MAP7: variants seen among roughly 807,000 people sequenced by gnomAD.
The protein encoded by MAP7 is microtubule associated protein 7, also known as ensconsin.
MAP7 carries 52 observed loss-of-function variants against 94.8 expected under a neutral mutation model. The ratio of observed to expected loss-of-function variants is 0.55; its 90% CI spans 0.44 to 0.69. The LOEUF is 0.69. Ranked by LOEUF, MAP7 falls within the 30% of genes least tolerant of loss-of-function variation. The pLI, the probability that MAP7 is intolerant of heterozygous loss-of-function variation, is 0.00. For synonymous variants in MAP7, 350 were observed against 357.0 expected, an observed-to-expected ratio of 0.98 and a Z score of 0.22; for missense variants, 940 against 964.6, an observed-to-expected ratio of 0.97 and a Z score of 0.34.
chr6:136,432,197 A>G (rs1448072881), intron 1 of MAP7, among the ~76,000 whole-genome samples: 1 of 152,182 alleles, frequency 6.6e-6, no homozygotes, highest in African/African-American at 2.4e-5. Context: ...GTACTCATAA[A>G]TTAAAAAAAA....
At chr6:136,496,742 C>G (rs1307766737) in intron 1 of MAP7, among the ~76,000 whole-genome samples, 1 of 141,464 alleles carries the variant, frequency 7.1e-6, no homozygotes, top group African/African-American at 2.7e-5. Context: ...GAGTTTGAGA[C>G]CAGCCTGGCC....
intron 1 of MAP7, among the ~76,000 whole-genome samples, chr6:136,423,529 C>G (rs750611333): frequency 2.0e-5 from 3 of 151,940 alleles, no homozygotes; most frequent in Non-Finnish European, 4.4e-5. Flanking sequence ...CTGGGTCAGC[C>G]GCTGTTTCCA....
intron 1 of MAP7, among the ~76,000 whole-genome samples, chr6:136,522,143 G>A (rs1354099827): frequency 6.6e-6 from 1 of 152,126 alleles, no homozygotes; most frequent in Non-Finnish European, 1.5e-5. Flanking sequence ...CTATCCAAGG[G>A]CATTTAGTTA....
intron 1 of MAP7, among the ~76,000 whole-genome samples, chr6:136,431,541 G>T (rs879424877): frequency 1.7e-5 from 2 of 116,902 alleles, no homozygotes; most frequent in African/African-American, 3.0e-5. Flanking sequence ...TTTTTGAGAC[G>T]GAGTCTTGCT....
chr6:136,539,121 C>T (rs941760744), intron 1 of MAP7, among the ~76,000 whole-genome samples: 2 of 152,184 alleles, frequency 1.3e-5, no homozygotes, highest in African/African-American at 4.8e-5. Context: ...CACAGTAATG[C>T]AATACTAATC....
chr6:136,547,879 A>G (rs920104768), intron 1 of MAP7, among the ~76,000 whole-genome samples: 4 of 152,174 alleles, frequency 2.6e-5, no homozygotes, highest in African/African-American at 7.2e-5. Context: ...TATCATTTTT[A>G]TAATAACCTG....
chr6:136,421,882 G>A (rs765844753), intron 1 of MAP7, 83 bp from the exon 2 acceptor site: 2 of 1,005,552 alleles, frequency 2.0e-6, no homozygotes, highest in Non-Finnish European at 3.0e-6. Context: ...GACATTTACT[G>A]TTAACCTATG....
intron 1 of MAP7, among the ~76,000 whole-genome samples, chr6:136,518,368 T>C (rs1825461933): frequency 6.6e-6 from 1 of 152,172 alleles, no homozygotes; most frequent in African/African-American, 2.4e-5. Context: ...AAACCATTGC[T>C]GGGCAGATAG....
intron 1 of MAP7, among the ~76,000 whole-genome samples, chr6:136,473,343 A>T (rs1431536522): frequency 6.6e-6 from 1 of 152,218 alleles, no homozygotes; most frequent in African/African-American, 2.4e-5. Flanking sequence ...GCAATGGCCT[A>T]CCCTCCAGTA....
intron 1 of MAP7, among the ~76,000 whole-genome samples, chr6:136,535,264 C>A (rs1258299774): frequency 2.0e-5 from 3 of 152,188 alleles, no homozygotes; most frequent in Non-Finnish European, 2.9e-5. Context: ...CACTCTCTTG[C>A]CATGTGAATG....
intron 16 of MAP7, among the ~76,000 whole-genome samples, chr6:136,355,353 A>T (rs1241777144): frequency 1.3e-5 from 2 of 152,014 alleles, no homozygotes; most frequent in Admixed American, 6.6e-5. Context: ...CTAAGAAAAA[A>T]ATACCATTTA....
At chr6:136,462,299 A>G (rs1047550044) in intron 1 of MAP7, among the ~76,000 whole-genome samples, 1 of 152,204 alleles carries the variant, frequency 6.6e-6, no homozygotes, top group African/African-American at 2.4e-5. Context: ...TTAATGTATC[A>G]TTTATATCTT....
At chr6:136,410,917 A>G (rs1302885459) in intron 3 of MAP7, among the ~76,000 whole-genome samples, 1 of 152,214 alleles carries the variant, frequency 6.6e-6, no homozygotes, top group East Asian at 1.9e-4. Context: ...CTGACCAGGC[A>G]TTTAATCTTT....
intron 8 of MAP7, among the ~76,000 whole-genome samples, chr6:136,371,338 T>C (rs906695245): frequency 5.3e-5 from 8 of 152,254 alleles, no homozygotes; most frequent in African/African-American, 1.9e-4. Context: ...TCTGTTTAAC[T>C]ACGGCTTTCT....
rs57630801 is a variant in MAP7 at position 136,454,194 on chromosome 6, C to T, written c.68-32395G>A. ...CTACCACCCATCAGAATTCATTCATCATTGGACCTATTAAACCCATCAGAA... is the reference window on the plus strand; with the variant it reads ...CTACCACCCATCAGAATTCATTCATTATTGGACCTATTAAACCCATCAGAA... On this transcript the variant is annotated intron_variant, in intron 1 of 17. Transcript: ENST00000354570. 8.1e-3 allele frequency among the ~76,000 whole-genome samples: 1,233 copies of T among 152,254 alleles called. 6 individuals are homozygous for T. Among genetic ancestry groups the T allele is most frequent in the East Asian group, 0.039 (202 of 5,176 alleles).
At chr6:136,492,420 TG>T (rs1284176146) in intron 1 of MAP7, among the ~76,000 whole-genome samples, 4 of 152,222 alleles carry the variant, frequency 2.6e-5, no homozygotes, top group African/African-American at 9.6e-5. Flanking sequence ...TGTAATTTTC[TG>T]ATGAATGAAA....
At chr6:136,401,033 G>C (rs1366978951) in intron 3 of MAP7, among the ~76,000 whole-genome samples, 1 of 152,082 alleles carries the variant, frequency 6.6e-6, no homozygotes, top group Non-Finnish European at 1.5e-5. Context: ...CCATATAATT[G>C]GTCCCATCAA....
intron 1 of MAP7, among the ~76,000 whole-genome samples, chr6:136,447,027 G>C (rs1394323407): frequency 6.6e-6 from 1 of 152,138 alleles, no homozygotes; most frequent in African/African-American, 2.4e-5. Flanking sequence ...AAGTCCATGG[G>C]TAAGTTACAC....
At chr6:136,357,220 T>G (rs545465018) in intron 15 of MAP7, among the ~76,000 whole-genome samples, 1 of 152,150 alleles carries the variant, frequency 6.6e-6, no homozygotes, top group Non-Finnish European at 1.5e-5. Flanking sequence ...TTAAAAATAT[T>G]TTTGAAAACT....
Sources: gnomAD v4.1 joint callset for allele counts (sites outside exome capture counted in the v4.1 genomes callset) on GRCh38, gnomAD v4.1.1 for gene constraint, MANE v1.5 for transcripts, NCBI Gene and HGNC (gene_info 2026-07-23, HGNC 2026-07-21) for gene names.